The following MBNL1 variants were observed in gnomAD, a reference collection of about 807,000 sequenced individuals.
The protein encoded by MBNL1 is muscleblind like splicing regulator 1.
Under a neutral mutation model 42.2 loss-of-function variants are expected in MBNL1, and 8 were observed. The observed-to-expected ratio is 0.19, with a 90% CI of 0.11 to 0.34. The LOEUF (loss-of-function observed/expected upper bound fraction) is 0.34, where lower values mean the gene tolerates loss of function less well. MBNL1 is among the 10% of genes least tolerant of loss of function. The pLI, the probability that MBNL1 is intolerant of heterozygous loss-of-function variation, is 1.00. For synonymous variants in MBNL1, 169 were observed against 173.9 expected, an observed-to-expected ratio of 0.97 and a Z score of 0.22; for missense variants, 309 against 495.3, an observed-to-expected ratio of 0.62 and a Z score of 3.57.
chr3:152,349,445 A>G (rs574066746), intron 2 of MBNL1, among the ~76,000 whole-genome samples: 7 of 152,198 alleles, frequency 4.6e-5, no homozygotes, highest in African/African-American at 1.4e-4. Flanking sequence ...TGACATATCC[A>G]TGGCATGTTA....
intron 6 of MBNL1, among the ~76,000 whole-genome samples, chr3:152,454,357 G>A (rs13085647): frequency 0.48 from 73,052 of 151,926 alleles, 18,113 homozygotes; most frequent in Middle Eastern, 0.6. Flanking sequence ...CATCTCTGAC[G>A]AGATTCATTT....
At chr3:152,331,594 C>T (rs2084569299) in intron 2 of MBNL1, among the ~76,000 whole-genome samples, 1 of 151,726 alleles carries the variant, frequency 6.6e-6, no homozygotes, top group Non-Finnish European at 1.5e-5. Context: ...CTCGGTAAAG[C>T]CATGTCCAAG....
At chr3:152,251,557 T>C (rs1457804595) in intron 2 of MBNL1, among the ~76,000 whole-genome samples, 1 of 152,130 alleles carries the variant, frequency 6.6e-6, no homozygotes, top group Non-Finnish European at 1.5e-5. Context: ...TCTTTGTCTT[T>C]TATGAAAATG....
intron 1 of MBNL1, 27 bp downstream of exon 1, chr3:152,269,119 C>A: frequency 2.2e-6 from 1 of 448,802 alleles, no homozygotes; most frequent in Non-Finnish European, 4.5e-6. Context: ...ACAGTTTCCC[C>A]GCGCCGCTTC....
chr3:152,333,728 A>G (rs73869991), intron 2 of MBNL1, among the ~76,000 whole-genome samples: 2,483 of 152,354 alleles, frequency 0.016, 70 homozygotes, highest in African/African-American at 0.057. Flanking sequence ...TTCAGGGCAC[A>G]CAATGTTACC....
At chr3:152,312,344 G>A (rs2067228750) in intron 2 of MBNL1, among the ~76,000 whole-genome samples, 3 of 152,182 alleles carry the variant, frequency 2.0e-5, no homozygotes, top group African/African-American at 7.2e-5. Flanking sequence ...AATAGCTAGT[G>A]TTATAAGTGT....
intron 2 of MBNL1, among the ~76,000 whole-genome samples, chr3:152,369,816 C>T (rs962583525): frequency 6.6e-6 from 1 of 152,168 alleles, no homozygotes; most frequent in African/African-American, 2.4e-5. Flanking sequence ...TTATAGCATT[C>T]TCTGATTGTA....
At chr3:152,277,547 A>G (rs924958944) in intron 1 of MBNL1, among the ~76,000 whole-genome samples, 11 of 152,096 alleles carry the variant, frequency 7.2e-5, no homozygotes, top group African/African-American at 2.7e-4. Context: ...ATCAGTCACT[A>G]TTATAAACAG....
At chr3:152,312,007 C>T (rs961149034) in intron 2 of MBNL1, among the ~76,000 whole-genome samples, 18 of 151,500 alleles carry the variant, frequency 1.2e-4, no homozygotes, top group East Asian at 1.9e-4. Context: ...CGGCTAAAAA[C>T]GGTGAAACCC....
At chr3:152,414,448 T>G (rs1237039067) in intron 2 of MBNL1, among the ~76,000 whole-genome samples, 2 of 152,214 alleles carry the variant, frequency 1.3e-5, no homozygotes, top group Non-Finnish European at 2.9e-5. Context: ...AATTTTAATT[T>G]TATTTGTTAT....
chr3:152,353,746 C>G (rs1183345389), intron 2 of MBNL1, among the ~76,000 whole-genome samples: 2 of 145,832 alleles, frequency 1.4e-5, no homozygotes, highest in Non-Finnish European at 3.0e-5. Flanking sequence ...TGCACATCAG[C>G]ATGTAACCTC....
At chr3:152,275,516 T>A (rs561650034) in intron 1 of MBNL1, among the ~76,000 whole-genome samples, 34 of 151,950 alleles carry the variant, frequency 2.2e-4, no homozygotes, top group Non-Finnish European at 4.4e-4. Context: ...TGAGGCCGTC[T>A]TGGCCAACAT....
chr3:152,432,941 T>C, intron 4 of MBNL1, 21 bp downstream of exon 4: 1 of 1,595,542 alleles, frequency 6.3e-7, no homozygotes, highest in South Asian at 1.1e-5. Flanking sequence ...CTAGTTGGTG[T>C]CTTTATATAC....
intron 2 of MBNL1, among the ~76,000 whole-genome samples, chr3:152,316,211 T>C (rs2071276774): frequency 6.6e-6 from 1 of 152,178 alleles, no homozygotes; most frequent in Non-Finnish European, 1.5e-5. Flanking sequence ...GCATAAACAA[T>C]TATGACTGCC....
intron 2 of MBNL1, among the ~76,000 whole-genome samples, chr3:152,313,949 T>C (rs1329875507): frequency 6.6e-6 from 1 of 152,232 alleles, no homozygotes; most frequent in Non-Finnish European, 1.5e-5. Context: ...AAAATGGTTG[T>C]AGCCATCTGT....
intron 4 of MBNL1, among the ~76,000 whole-genome samples, chr3:152,440,654 T>C (rs1282857729): frequency 6.6e-6 from 1 of 152,186 alleles, no homozygotes; most frequent in African/African-American, 2.4e-5. Context: ...TCATCCGATA[T>C]TTATCTAGGG....
At chr3:152,272,220 A>G (rs1469522752) in intron 1 of MBNL1, among the ~76,000 whole-genome samples, 1 of 152,184 alleles carries the variant, frequency 6.6e-6, no homozygotes, top group Non-Finnish European at 1.5e-5. Context: ...ATTTTATTAT[A>G]CATAGAAATA....
intron 1 of MBNL1, among the ~76,000 whole-genome samples, chr3:152,288,320 G>T (rs1178948658): frequency 1.3e-5 from 2 of 152,132 alleles, no homozygotes; most frequent in African/African-American, 2.4e-5. Flanking sequence ...TTAATTAGAA[G>T]TGCATGCTGC....
At chr3:152,456,413 A>G (rs1483238738) in intron 8 of MBNL1, 52 bp downstream of exon 8, 5 of 1,418,570 alleles carry the variant, frequency 3.5e-6, no homozygotes, top group East Asian at 2.3e-5. Context: ...ATAGGGCTCA[A>G]TCCAACAGCC....
Sources: allele counts gnomAD v4.1 joint callset (sites outside exome capture counted in the v4.1 genomes callset), GRCh38; gene constraint gnomAD v4.1.1; transcripts MANE v1.5; gene names NCBI Gene and HGNC (gene_info 2026-07-23, HGNC 2026-07-21).